The following HS6ST3 variants were observed in gnomAD, a reference collection of about 807,000 sequenced individuals.
The protein encoded by HS6ST3 is heparan-sulfate 6-O-sulfotransferase 3.
Under a neutral mutation model 36.7 loss-of-function variants are expected in HS6ST3, and 12 were observed. That is an observed-to-expected ratio of 0.33 (90% CI 0.21 to 0.53). HS6ST3 has a LOEUF of 0.53. Ranked by LOEUF, HS6ST3 falls within the 20% of genes least tolerant of loss-of-function variation. HS6ST3 has a pLI of 0.95. For missense variants in HS6ST3, 584 were observed against 640.9 expected (o/e 0.91, Z 0.96); for synonymous variants, 240 against 257.5 (o/e 0.93, Z 0.65).
chr13:96,389,524 CA>C (rs2055385405), intron 1 of HS6ST3, among the ~76,000 whole-genome samples: 2 of 152,098 alleles, frequency 1.3e-5, no homozygotes, highest in Non-Finnish European at 2.9e-5. Flanking sequence ...TTCTCTGTAT[CA>C]AACACACTGA....
At chr13:96,808,840 T>G (rs2138533520) in intron 1 of HS6ST3, among the ~76,000 whole-genome samples, 1 of 152,272 alleles carries the variant, frequency 6.6e-6, no homozygotes, top group East Asian at 1.9e-4. Flanking sequence ...TTACTGGTTT[T>G]GAGGAAAGGT....
intron 1 of HS6ST3, among the ~76,000 whole-genome samples, chr13:96,438,912 A>G (rs2055656057): frequency 1.3e-5 from 2 of 152,068 alleles, no homozygotes; most frequent in South Asian, 2.1e-4. Flanking sequence ...CTAAAAATAC[A>G]AAAAAATTAG....
chr13:96,655,992 A>G (rs867612832), intron 1 of HS6ST3, among the ~76,000 whole-genome samples: 7 of 152,230 alleles, frequency 4.6e-5, no homozygotes, highest in Middle Eastern at 6.8e-3. Context: ...ATAATTCAGA[A>G]TCTGTGCTTG....
intron 1 of HS6ST3, among the ~76,000 whole-genome samples, chr13:96,482,853 C>G (rs2094451788): frequency 6.6e-6 from 1 of 152,180 alleles, no homozygotes; most frequent in African/African-American, 2.4e-5. Flanking sequence ...ATGCCCATGC[C>G]TTTAAGTGAT....
chr13:96,533,291 A>T (rs972201651), intron 1 of HS6ST3, among the ~76,000 whole-genome samples: 2 of 152,186 alleles, frequency 1.3e-5, no homozygotes, highest in African/African-American at 4.8e-5. Flanking sequence ...GATGTTGTCA[A>T]GCCCTCCACA....
chr13:96,750,124 T>A (rs1171549065), intron 1 of HS6ST3, among the ~76,000 whole-genome samples: 1 of 152,118 alleles, frequency 6.6e-6, no homozygotes, highest in Non-Finnish European at 1.5e-5. Flanking sequence ...AAGTTCCAAA[T>A]CCCCTTATTT....
chr13:96,294,673 A>G lies in HS6ST3; in HGVS notation c.707+203104A>G, dbSNP rs558224414. 7.2e-5 allele frequency among the ~76,000 whole-genome samples: 11 copies of G among 152,272 alleles called. No homozygotes were observed. In the East Asian group the frequency reaches 2.1e-3, roughly 29 times the overall value. ...ATTCATATTAGAGTTTTGTGTAAAA[A>G]GGCCATGATTATAAGTTTATATGCT... On this transcript the variant is annotated intron_variant, in intron 1 of 1. Transcript: ENST00000376705.
chr13:96,700,906 A>T (rs933312590), intron 1 of HS6ST3, among the ~76,000 whole-genome samples: 2 of 151,924 alleles, frequency 1.3e-5, no homozygotes, highest in African/African-American at 4.8e-5. Context: ...ATGAGTATAA[A>T]CTCCTTACTC....
intron 1 of HS6ST3, among the ~76,000 whole-genome samples, chr13:96,557,409 G>C (rs577037348): frequency 4.5e-4 from 68 of 152,266 alleles, no homozygotes; most frequent in Non-Finnish European, 3.7e-4. Context: ...TAAGTAAAGA[G>C]AGAAAAGAAT....
intron 1 of HS6ST3, among the ~76,000 whole-genome samples, chr13:96,795,274 TAATC>T (rs1024052445): frequency 1.6e-4 from 24 of 152,180 alleles, no homozygotes; most frequent in African/African-American, 5.5e-4. Context: ...ATAATATTAA[TAATC>T]AATTTTAATA....
At chr13:96,106,219 C>T (rs1168531955) in intron 1 of HS6ST3, among the ~76,000 whole-genome samples, 3 of 152,368 alleles carry the variant, frequency 2.0e-5, no homozygotes, top group East Asian at 3.9e-4. Flanking sequence ...TGCATCCCTT[C>T]ATGCCCTGTA....
intron 1 of HS6ST3, among the ~76,000 whole-genome samples, chr13:96,636,873 C>G (rs1167716572): frequency 2.0e-5 from 3 of 151,980 alleles, no homozygotes; most frequent in Non-Finnish European, 4.4e-5. Flanking sequence ...TTCCATTCTG[C>G]TGTTTGAAGA....
At chr13:96,319,732 A>G (rs1360021623) in intron 1 of HS6ST3, among the ~76,000 whole-genome samples, 1 of 152,212 alleles carries the variant, frequency 6.6e-6, no homozygotes, top group African/African-American at 2.4e-5. Context: ...CACTAGAAGC[A>G]ATATTTAACA....
intron 1 of HS6ST3, among the ~76,000 whole-genome samples, chr13:96,153,765 G>T (rs2054098124): frequency 6.6e-6 from 1 of 152,180 alleles, no homozygotes; most frequent in Non-Finnish European, 1.5e-5. Context: ...TGTAATCAGT[G>T]ATGTCAACCT....
intron 1 of HS6ST3, among the ~76,000 whole-genome samples, chr13:96,116,882 T>TA (rs1174142058): frequency 6.6e-6 from 1 of 152,136 alleles, no homozygotes; most frequent in Non-Finnish European, 1.5e-5. Flanking sequence ...TCGAAGTAGG[T>TA]AAAAATATGC....
chr13:96,742,947 C>G (rs1214776262), intron 1 of HS6ST3, among the ~76,000 whole-genome samples: 1 of 151,972 alleles, frequency 6.6e-6, no homozygotes, highest in East Asian at 1.9e-4. Flanking sequence ...TTAATAAAAC[C>G]CAGTTCAGAT....
intron 1 of HS6ST3, among the ~76,000 whole-genome samples, chr13:96,112,590 T>TATATATAC (rs2053874928): frequency 1.7e-5 from 1 of 58,762 alleles, no homozygotes; most frequent in Non-Finnish European, 3.8e-5. Context: ...TATATATATA[T>TATATATAC]ATATATATAT....
At chr13:96,774,154 A>G (rs1037360518) in intron 1 of HS6ST3, among the ~76,000 whole-genome samples, 2 of 152,218 alleles carry the variant, frequency 1.3e-5, no homozygotes, top group African/African-American at 4.8e-5. Flanking sequence ...AAGGACGTCC[A>G]CACAAAAACC....
At chr13:96,160,413 G>A (rs1477694420) in intron 1 of HS6ST3, among the ~76,000 whole-genome samples, 3 of 152,100 alleles carry the variant, frequency 2.0e-5, no homozygotes, top group Non-Finnish European at 4.4e-5. Context: ...AGAACTCTGT[G>A]GATTGTTAAA....
Sources: allele counts gnomAD v4.1 joint callset (sites outside exome capture counted in the v4.1 genomes callset), GRCh38; gene constraint gnomAD v4.1.1; transcripts MANE v1.5; gene names NCBI Gene and HGNC (gene_info 2026-07-23, HGNC 2026-07-21).